The following CYFIP2 variants were observed in gnomAD, a reference collection of about 807,000 sequenced individuals.
CYFIP2 encodes the protein cytoplasmic FMR1-interacting protein 2.
Under a neutral mutation model 158.7 loss-of-function variants are expected in CYFIP2, and 29 were observed. The ratio of observed to expected loss-of-function variants is 0.18; its 90% CI spans 0.14 to 0.25. CYFIP2 has a LOEUF of 0.25. CYFIP2 is among the 10% of genes least tolerant of loss of function. The pLI is 1.00. For synonymous variants in CYFIP2, 585 were observed against 617.6 expected (o/e 0.95, Z 0.78); for missense variants, 852 against 1,639.5 (o/e 0.52, Z 8.29).
At chr5:157,280,009 A>G (rs897127295) in intron 1 of CYFIP2, among the ~76,000 whole-genome samples, 4 of 152,234 alleles carry the variant, frequency 2.6e-5, no homozygotes, top group South Asian at 2.1e-4. Context: ...TGATCTACCA[A>G]TGCTCATAGA....
chr5:157,331,086 T>G (rs1761422338), intron 20 of CYFIP2, among the ~76,000 whole-genome samples: 1 of 152,098 alleles, frequency 6.6e-6, no homozygotes, highest in South Asian at 2.1e-4. Context: ...CTCTGACAAG[T>G]TATGGCAACC....
chr5:157,355,776 G>T (rs1223984392), intron 23 of CYFIP2, among the ~76,000 whole-genome samples: 1 of 152,154 alleles, frequency 6.6e-6, no homozygotes, highest in Non-Finnish European at 1.5e-5. Flanking sequence ...AGCTTTGCTG[G>T]GTTTACAGGA....
intron 1 of CYFIP2, among the ~76,000 whole-genome samples, chr5:157,274,675 C>CT (rs1201267155): frequency 6.6e-6 from 1 of 152,222 alleles, no homozygotes; most frequent in Non-Finnish European, 1.5e-5. Flanking sequence ...GCGGCACCAT[C>CT]TTACATTCCC....
intron 19 of CYFIP2, among the ~76,000 whole-genome samples, chr5:157,329,706 C>T (rs1761295681): frequency 1.3e-5 from 2 of 152,192 alleles, no homozygotes; most frequent in South Asian, 4.1e-4. Flanking sequence ...AGAGATTTTT[C>T]ATTCTTTTCT....
chr5:157,308,163 CTTT>C (rs35504183), intron 9 of CYFIP2, among the ~76,000 whole-genome samples: 2 of 145,322 alleles, frequency 1.4e-5, no homozygotes, highest in Non-Finnish European at 1.5e-5. Context: ...CTGAATGCTG[CTTT>C]TTTTTTTTTT....
At chr5:157,335,222 C>G (rs886942363) in intron 21 of CYFIP2, among the ~76,000 whole-genome samples, 1 of 152,156 alleles carries the variant, frequency 6.6e-6, no homozygotes, top group African/African-American at 2.4e-5. Flanking sequence ...GAATCCACCT[C>G]TTAGGGTTAC....
chr5:157,373,073 C>T (rs1308115956), intron 26 of CYFIP2, among the ~76,000 whole-genome samples: 1 of 152,178 alleles, frequency 6.6e-6, no homozygotes, highest in East Asian at 1.9e-4. Flanking sequence ...ATTTTATACT[C>T]TCCAGCTTAA....
intron 12 of CYFIP2, 150 bp from the exon 13 acceptor site, chr5:157,314,819 T>C: frequency 1.5e-6 from 1 of 688,472 alleles, no homozygotes; most frequent in East Asian, 2.8e-5. Context: ...TCTTTTCTTT[T>C]GCATACTTAC....
At chr5:157,330,220 G>C (rs184401449) in intron 19 of CYFIP2, among the ~76,000 whole-genome samples, 2 of 150,668 alleles carry the variant, frequency 1.3e-5, no homozygotes, top group East Asian at 3.9e-4. Context: ...TCAGCTCATA[G>C]GGTTGTGGTG....
chr5:157,374,343 C>T (rs753731649), intron 26 of CYFIP2, among the ~76,000 whole-genome samples: 7 of 152,154 alleles, frequency 4.6e-5, no homozygotes, highest in Admixed American at 2.0e-4. Flanking sequence ...TAAAGAATAA[C>T]GTCTGCTAGA....
chr5:157,300,569 C>T (rs576421099), intron 5 of CYFIP2, 146 bp from the exon 6 acceptor site: 23 of 584,574 alleles, frequency 3.9e-5, no homozygotes, highest in Non-Finnish European at 5.8e-5. Flanking sequence ...AAATTAGCTT[C>T]GGATTTAAGG....
intron 23 of CYFIP2, 122 bp downstream of exon 23, chr5:157,341,279 A>G (rs1762229264): frequency 4.6e-6 from 4 of 864,882 alleles, no homozygotes; most frequent in Non-Finnish European, 7.5e-6. Context: ...GGTCAGGCAC[A>G]GTGGCTCATA....
At chr5:157,283,546 G>A (rs1307065532) in intron 1 of CYFIP2, among the ~76,000 whole-genome samples, 2 of 152,124 alleles carry the variant, frequency 1.3e-5, no homozygotes, top group Admixed American at 1.3e-4. Context: ...GTGTGGAGAG[G>A]ACCTGAAACC....
At chr5:157,379,160 A>AT (rs766559291) in intron 26 of CYFIP2, among the ~76,000 whole-genome samples, 1 of 152,022 alleles carries the variant, frequency 6.6e-6, no homozygotes, top group Non-Finnish European at 1.5e-5. Flanking sequence ...GAAAGATGAG[A>AT]TTTTATCTCA....
chr5:157,297,377 TCTAA>T (rs1053299378), intron 5 of CYFIP2, among the ~76,000 whole-genome samples: 3 of 152,228 alleles, frequency 2.0e-5, no homozygotes, highest in Admixed American at 6.5e-5. Context: ...CCTTTCACTC[TCTAA>T]CTGTGTGTTT....
intron 23 of CYFIP2, among the ~76,000 whole-genome samples, chr5:157,348,646 A>G (rs989714409): frequency 5.9e-5 from 9 of 152,146 alleles, no homozygotes; most frequent in African/African-American, 2.2e-4. Context: ...TTCTGACCTC[A>G]GGTGATCCAC....
chr5:157,321,694 C>T (rs566954762), intron 15 of CYFIP2, among the ~76,000 whole-genome samples: 64 of 152,080 alleles, frequency 4.2e-4, no homozygotes, highest in African/African-American at 1.5e-3. Flanking sequence ...CCATCTGAGG[C>T]CCACCCCCGA....
At chr5:157,307,636 G>GCTGTGT (rs1554110253) in intron 8 of CYFIP2, 125 bp from the exon 9 acceptor site, 2 of 428,468 alleles carry the variant, frequency 4.7e-6, no homozygotes, top group Non-Finnish European at 8.3e-6. Flanking sequence ...GTCTCTACAG[G>GCTGTGT]GTGTGTGTGT....
intron 23 of CYFIP2, among the ~76,000 whole-genome samples, chr5:157,347,512 G>A (rs750738829): frequency 3.3e-5 from 5 of 152,100 alleles, no homozygotes; most frequent in East Asian, 1.9e-4. Context: ...CTTCCCATGC[G>A]AGCACAGCCA....
Sources: gnomAD v4.1 joint callset for allele counts (sites outside exome capture counted in the v4.1 genomes callset) on GRCh38, gnomAD v4.1.1 for gene constraint, MANE v1.5 for transcripts, NCBI Gene and HGNC (gene_info 2026-07-23, HGNC 2026-07-21) for gene names.